The following C2CD3 variants were observed in gnomAD, a reference collection of about 807,000 sequenced individuals.
The protein encoded by C2CD3 is C2 domain-containing protein 3.
Under a neutral mutation model 234.0 loss-of-function variants are expected in C2CD3, and 148 were observed. The observed-to-expected ratio is 0.63, with a 90% CI of 0.55 to 0.72. The LOEUF is 0.72. Ranked by LOEUF, C2CD3 falls within the 30% of genes least tolerant of loss-of-function variation. The probability of loss-of-function intolerance (pLI) is 0.00; values close to 1 mark genes in which losing one functional copy is unlikely to be tolerated. For missense variants in C2CD3, 2,577 were observed against 2,811.5 expected, an observed-to-expected ratio of 0.92 and a Z score of 1.89; for synonymous variants, 1,000 against 1,035.4, an observed-to-expected ratio of 0.97 and a Z score of 0.66.
chr11:74,044,757 T>G (rs1000896048), intron 28 of C2CD3, among the ~76,000 whole-genome samples: 13 of 152,218 alleles, frequency 8.5e-5, no homozygotes, highest in African/African-American at 2.4e-4. Flanking sequence ...CTTTTTTATG[T>G]CTATGAATAC....
chr11:74,130,366 C>T (rs1286526676), intron 7 of C2CD3, among the ~76,000 whole-genome samples: 1 of 151,942 alleles, frequency 6.6e-6, no homozygotes, highest in Non-Finnish European at 1.5e-5. Context: ...GCTAGGACTA[C>T]AGTCATATGC....
intron 29 of C2CD3, 114 bp downstream of exon 29, chr11:74,041,940 C>T (rs1306567556): frequency 1.2e-5 from 12 of 1,007,474 alleles, no homozygotes; most frequent in Non-Finnish European, 1.6e-5. Flanking sequence ...GAGCCCTCTA[C>T]TAATGTTCCT....
chr11:74,108,364 G>T (rs1389681733), intron 12 of C2CD3, among the ~76,000 whole-genome samples: 1 of 151,922 alleles, frequency 6.6e-6, no homozygotes, highest in Non-Finnish European at 1.5e-5. Flanking sequence ...TGTTCTTCAT[G>T]CTATCCATAC....
intron 2 of C2CD3, chr11:74,164,204 C>G: frequency 1.0e-6 from 1 of 963,568 alleles, no homozygotes; most frequent in African/African-American, 1.8e-5. Flanking sequence ...AGCACTATTC[C>G]TACTCCGATT....
At chr11:74,111,627 A>G (rs1260708146) in intron 11 of C2CD3, among the ~76,000 whole-genome samples, 1 of 152,130 alleles carries the variant, frequency 6.6e-6, no homozygotes, top group African/African-American at 2.4e-5. Flanking sequence ...AGGACACTCA[A>G]CTTGTGTATG....
chr11:74,112,097 T>C (rs1956772245), intron 11 of C2CD3, among the ~76,000 whole-genome samples: 1 of 152,156 alleles, frequency 6.6e-6, no homozygotes, highest in African/African-American at 2.4e-5. Context: ...GGATTATCTA[T>C]TTCAAAAAGG....
chr11:74,067,846 T>C (rs1000460262), intron 24 of C2CD3, among the ~76,000 whole-genome samples: 1 of 152,172 alleles, frequency 6.6e-6, no homozygotes, highest in Non-Finnish European at 1.5e-5. Context: ...TGGATGCAAA[T>C]TGGCCTCTAC....
intron 30 of C2CD3, chr11:74,034,564 A>C: frequency 6.2e-7 from 1 of 1,613,872 alleles, no homozygotes; most frequent in Non-Finnish European, 8.5e-7. Flanking sequence ...GGGAGCTGGG[A>C]GTCCTGGTGG....
At chr11:74,088,161 CAAGTGG>C (rs1565278303) in intron 20 of C2CD3, among the ~76,000 whole-genome samples, 1 of 152,136 alleles carries the variant, frequency 6.6e-6, no homozygotes, top group Non-Finnish European at 1.5e-5. Flanking sequence ...ATTATCTATA[CAAGTGG>C]AAGTAATCAT....
At chr11:74,094,148 C>T (rs1238129406) in intron 17 of C2CD3, 149 bp from the exon 18 acceptor site, 1 of 524,280 alleles carries the variant, frequency 1.9e-6, no homozygotes, top group African/African-American at 2.0e-5. Flanking sequence ...AAAAAGATAC[C>T]TTGCTGGTGG....
chr11:74,135,430 G>C (rs2135539686), intron 5 of C2CD3, among the ~76,000 whole-genome samples: 1 of 152,290 alleles, frequency 6.6e-6, no homozygotes, highest in East Asian at 1.9e-4. Context: ...AGCTTGCCCG[G>C]ACTTGCAGAT....
In C2CD3 at chr11:74,012,833, T is replaced by C. The variant is rs1430628206; in HGVS notation, c.*552A>G. On this transcript the variant is annotated 3_prime_UTR_variant, in exon 33 of 33. Transcript: ENST00000334126. ...AATTTTAGACAATCAGATAAAAAGT[T>C]TGAAGGAAGTGATTTCCCCTTCCTC... 6.6e-6 allele frequency: 1 copy of C among 152,230 alleles called. No individual in the cohort carries two copies. Among genetic ancestry groups the C allele is most frequent in the Non-Finnish European group, 1.5e-5 (1 of 68,044 alleles). The allele number at this position is 152,230 out of a possible 1,614,324, so 9.4% of individuals were successfully genotyped here.
chr11:74,049,227 T>C lies in C2CD3; in HGVS notation c.5361+110A>G, dbSNP rs999920899. 1.4e-5 allele frequency: 12 copies of C among 863,604 alleles called. No homozygotes were observed. The African/African-American group carries it at 1.5e-4, about 11-fold the overall frequency. 53.5% of individuals were successfully genotyped at this position (863,604 alleles called of 1,614,324 possible). A position where few individuals can be genotyped will look rare whatever the true frequency, so the allele number is the denominator to read the frequency against. ...GGTCAGGAGGTTGTTATGAGACACA[T>C]ATAGTATATAACGTATTCTATAAGC... On this transcript the variant is annotated intron_variant, in intron 27 of 32. Transcript: ENST00000334126.
chr11:74,063,132 T>A (rs992522557), intron 24 of C2CD3, among the ~76,000 whole-genome samples: 9 of 152,344 alleles, frequency 5.9e-5, no homozygotes, highest in Middle Eastern at 3.4e-3. Flanking sequence ...ATTGAGGCAA[T>A]AATTAATAGC....
chr11:74,078,283 G>A lies in C2CD3; in HGVS notation c.4435C>T (p.Pro1479Ser), dbSNP rs926095562. ...TCCCTGAAGTACCAAAGCAGTGATG[G>A]GCCCCTGGTGACTTCTGCTCTTTTG... ...ASKRAEVTRG[P>S]SLLWYFREER... is the part of the protein sequence containing the mutation. The change falls in exon 23 of 33, where the codon CCA (proline) becomes TCA (serine). Residue 1479 changes from proline to serine, a missense_variant. By Grantham distance (74) the Pro-to-Ser change is moderately conservative. Transcript: ENST00000334126. 1 of 1,614,106 alleles carries A rather than the reference G, an allele frequency of 6.2e-7. No individual in the cohort carries two copies.
chr11:74,166,368 T>C (rs1302553733), intron 2 of C2CD3, among the ~76,000 whole-genome samples: 1 of 151,510 alleles, frequency 6.6e-6, no homozygotes, highest in Non-Finnish European at 1.5e-5. Context: ...CTGTCACTTA[T>C]AAGGTTCACC....
intron 30 of C2CD3, chr11:74,034,662 A>C: frequency 7.2e-7 from 1 of 1,386,272 alleles, no homozygotes; most frequent in Non-Finnish European, 1.0e-6. Flanking sequence ...GATGACAGTT[A>C]TTAAAACTAC....
At chr11:74,137,578 TA>T (rs1439167394) in intron 5 of C2CD3, among the ~76,000 whole-genome samples, 2 of 150,444 alleles carry the variant, frequency 1.3e-5, no homozygotes, top group African/African-American at 4.9e-5. Context: ...TATATATATA[TA>T]TATTTTTTCT....
chr11:74,071,306 G>A (rs184105762), intron 24 of C2CD3, among the ~76,000 whole-genome samples: 12 of 152,280 alleles, frequency 7.9e-5, no homozygotes, highest in African/African-American at 2.9e-4. Context: ...CAAGCATAGG[G>A]TAGACATCTG....
Sources: allele counts gnomAD v4.1 joint callset (sites outside exome capture counted in the v4.1 genomes callset), GRCh38; gene constraint gnomAD v4.1.1; transcripts MANE v1.5; gene names NCBI Gene and HGNC (gene_info 2026-07-23, HGNC 2026-07-21).